Variants in KDM4C observed in about 807,000 individuals in gnomAD.
KDM4C encodes lysine demethylase 4C, also known as lysine-specific demethylase 4C.
A neutral mutation model predicts 129.3 loss-of-function variants in KDM4C; 81 were observed. That is an observed-to-expected ratio of 0.63 (90% CI 0.52 to 0.75). The LOEUF (loss-of-function observed/expected upper bound fraction) is 0.75. Ranked by LOEUF, KDM4C falls within the 30% of genes least tolerant of loss-of-function variation. The probability of loss-of-function intolerance (pLI) is 0.00; values close to 1 mark genes in which losing one functional copy is unlikely to be tolerated. For missense variants in KDM4C, 1,457 were observed against 1,304.0 expected, an observed-to-expected ratio of 1.12 and a Z score of -1.81; for synonymous variants, 573 against 456.1, an observed-to-expected ratio of 1.26 and a Z score of -3.26.
At chr9:7,122,166 A>T (rs1457677280) in intron 18 of KDM4C, among the ~76,000 whole-genome samples, 1 of 152,044 alleles carries the variant, frequency 6.6e-6, no homozygotes, top group African/African-American at 2.4e-5. Flanking sequence ...ACCTACAATC[A>T]TGGCAGAAGG....
At chr9:6,969,015 C>T (rs985417710) in intron 8 of KDM4C, among the ~76,000 whole-genome samples, 7 of 152,150 alleles carry the variant, frequency 4.6e-5, no homozygotes, top group African/African-American at 1.7e-4. Flanking sequence ...TGGCTCACTG[C>T]AACCTCCAAC....
intron 8 of KDM4C, among the ~76,000 whole-genome samples, chr9:6,962,255 C>T (rs1346222849): frequency 1.3e-5 from 2 of 152,164 alleles, no homozygotes; most frequent in African/African-American, 2.4e-5. Flanking sequence ...CTTAAGCTCC[C>T]TTCCTGTAGC....
At chr9:6,876,750 G>A (rs1194573142) in intron 5 of KDM4C, among the ~76,000 whole-genome samples, 1 of 152,138 alleles carries the variant, frequency 6.6e-6, no homozygotes, top group Non-Finnish European at 1.5e-5. Flanking sequence ...GAAGCCAGGT[G>A]CTCACCTTCT....
rs777059471 is a variant in KDM4C at position 6,724,187 on chromosome 9, C to A, written c.49+3190C>A. 2.6e-5 allele frequency among the ~76,000 whole-genome samples: 4 copies of A among 152,140 alleles called. No homozygotes were observed. The East Asian group carries it at 5.8e-4, about 22-fold the overall frequency. ...TCTCATTTGGAACAGTTCTAATGAGCCTTTTCAGCTACAAGTGATGGTGAC... is the reference window on the plus strand; with the variant it reads ...TCTCATTTGGAACAGTTCTAATGAGACTTTTCAGCTACAAGTGATGGTGAC... On this transcript the variant is annotated intron_variant, in intron 1 of 17. Transcript: ENST00000536108.
chr9:6,891,175 G>A (rs183537825), intron 7 of KDM4C, among the ~76,000 whole-genome samples: 118 of 152,256 alleles, frequency 7.8e-4, no homozygotes, highest in African/African-American at 2.6e-3. Flanking sequence ...GGATGAGGGA[G>A]CGCTCTTGGG....
At chr9:7,019,295 C>T (rs1824231320) in intron 15 of KDM4C, among the ~76,000 whole-genome samples, 1 of 152,122 alleles carries the variant, frequency 6.6e-6, no homozygotes, top group Non-Finnish European at 1.5e-5. Flanking sequence ...CAATCAATCT[C>T]ATATCTTCAG....
intron 12 of KDM4C, among the ~76,000 whole-genome samples, chr9:6,999,336 A>C (rs1093709): frequency 0.25 from 33,579 of 135,148 alleles, 4,499 homozygotes; most frequent in African/African-American, 0.33. Context: ...AGAAATTACA[A>C]ATTTTTTTAA....
chr9:7,118,787 C>G (rs1358862055), intron 18 of KDM4C, among the ~76,000 whole-genome samples: 1 of 152,096 alleles, frequency 6.6e-6, no homozygotes, highest in Non-Finnish European at 1.5e-5. Flanking sequence ...TTATTAACAT[C>G]ATATGTAGAT....
At chr9:7,053,271 A>G (rs570923596) in intron 17 of KDM4C, among the ~76,000 whole-genome samples, 5 of 152,338 alleles carry the variant, frequency 3.3e-5, no homozygotes, top group African/African-American at 1.2e-4. Context: ...TCGTTTATTT[A>G]TTCAGAGCTT....
At chr9:6,982,894 A>G (rs978943835) in intron 9 of KDM4C, 3 of 152,230 alleles carry the variant, frequency 2.0e-5, no homozygotes, top group African/African-American at 7.2e-5. Flanking sequence ...AAGCCTGACT[A>G]TGGGCTTGTT....
At chr9:6,809,632 C>G (rs953509600) in intron 3 of KDM4C, among the ~76,000 whole-genome samples, 5 of 152,178 alleles carry the variant, frequency 3.3e-5, no homozygotes, top group Non-Finnish European at 7.3e-5. Context: ...TTTGTAGGCA[C>G]TATTGAGATG....
intron 1 of KDM4C, among the ~76,000 whole-genome samples, chr9:6,792,582 T>C (rs1588296138): frequency 6.6e-6 from 1 of 151,912 alleles, no homozygotes; most frequent in Non-Finnish European, 1.5e-5. Context: ...AGAGGTGGGG[T>C]TTCACCATGT....
chr9:6,840,834 A>G (rs971014356), intron 4 of KDM4C, among the ~76,000 whole-genome samples: 2 of 152,094 alleles, frequency 1.3e-5, no homozygotes, highest in Admixed American at 6.5e-5. Flanking sequence ...TTCCAATTCT[A>G]TGTGAGATGG....
At chr9:7,127,919 A>T in intron 18 of KDM4C, 147 bp from the exon 19 acceptor site, 1 of 639,496 alleles carries the variant, frequency 1.6e-6, no homozygotes, top group East Asian at 3.2e-5. Flanking sequence ...TAAGTTTGAA[A>T]TTATTCTTCA....
At chr9:6,775,505 G>A (rs1175337763) in intron 1 of KDM4C, among the ~76,000 whole-genome samples, 1 of 151,972 alleles carries the variant, frequency 6.6e-6, no homozygotes, top group Non-Finnish European at 1.5e-5. Context: ...ACTTACGCTA[G>A]AATTTCTTGA....
chr9:6,925,257 G>A (rs1275158503), intron 8 of KDM4C: 1 of 985,208 alleles, frequency 1.0e-6, no homozygotes, highest in Non-Finnish European at 1.2e-6. Context: ...ATTATGAACA[G>A]CATTGTAGGA....
intron 4 of KDM4C, among the ~76,000 whole-genome samples, chr9:6,837,907 T>A (rs1262619755): frequency 6.6e-6 from 1 of 152,196 alleles, no homozygotes; most frequent in African/African-American, 2.4e-5. Context: ...TTAGATTCTG[T>A]CTTATAATGT....
At chr9:6,759,168 A>C (rs1262158674) in intron 1 of KDM4C, among the ~76,000 whole-genome samples, 1 of 152,210 alleles carries the variant, frequency 6.6e-6, no homozygotes, top group Admixed American at 6.5e-5. Context: ...AATGTAGGTT[A>C]GAAAAGCAGA....
chr9:6,732,202 T>C (rs1035426733), intron 1 of KDM4C, among the ~76,000 whole-genome samples: 2 of 150,346 alleles, frequency 1.3e-5, no homozygotes, highest in Non-Finnish European at 3.0e-5. Context: ...CCATCTTTAC[T>C]AAAAATACAA....
Sources: allele counts gnomAD v4.1 joint callset (sites outside exome capture counted in the v4.1 genomes callset), GRCh38; gene constraint gnomAD v4.1.1; transcripts MANE v1.5; gene names NCBI Gene and HGNC (gene_info 2026-07-23, HGNC 2026-07-21).